The following PXDN variants were observed in gnomAD, a reference collection of about 807,000 sequenced individuals.
PXDN encodes peroxidasin, also known as peroxidasin homolog.
PXDN carries 77 observed loss-of-function variants against 140.3 expected under a neutral mutation model. That is an observed-to-expected ratio of 0.55 (90% CI 0.46 to 0.66). The LOEUF (loss-of-function observed/expected upper bound fraction) is 0.66. Among genes scored for constraint, PXDN ranks in the 30% least tolerant of loss-of-function variants. The probability of loss-of-function intolerance (pLI) is 0.00; values close to 1 mark genes in which losing one functional copy is unlikely to be tolerated. For synonymous variants in PXDN, 911 were observed against 857.4 expected (o/e 1.06, Z -1.09); for missense variants, 1,838 against 2,039.5 (o/e 0.90, Z 1.90).
At chr2:1,698,605 C>A (rs988239158) in intron 1 of PXDN, among the ~76,000 whole-genome samples, 1 of 150,514 alleles carries the variant, frequency 6.6e-6, no homozygotes, top group Non-Finnish European at 1.5e-5. Flanking sequence ...CTGTAAGTGG[C>A]AGAACTAGAA....
At chr2:1,637,428 T>C (rs557101535) in intron 21 of PXDN, among the ~76,000 whole-genome samples, 28 of 151,298 alleles carry the variant, frequency 1.9e-4, no homozygotes, top group African/African-American at 6.3e-4. Flanking sequence ...CCAGGCGATG[T>C]ACACCTAGTC....
chr2:1,727,460 A>G (rs1685212843), intron 1 of PXDN, among the ~76,000 whole-genome samples: 1 of 152,224 alleles, frequency 6.6e-6, no homozygotes, highest in Non-Finnish European at 1.5e-5. Context: ...CAGGACCCCT[A>G]CAGATGGGGA....
chr2:1,673,927 G>T, intron 8 of PXDN, 115 bp from the exon 9 acceptor site: 4 of 1,143,290 alleles, frequency 3.5e-6, no homozygotes, highest in Non-Finnish European at 3.8e-6. Context: ...GCGAGGAACA[G>T]CTCACCTTCC....
intron 1 of PXDN, among the ~76,000 whole-genome samples, chr2:1,700,206 C>T (rs1053244178): frequency 2.0e-5 from 3 of 152,076 alleles, no homozygotes; most frequent in African/African-American, 4.8e-5. Flanking sequence ...GGATTACAGG[C>T]GCATGCCACT....
At position 1,660,910 on chromosome 2, in the gene PXDN, G is replaced by T. The variant is rs770603634; in HGVS notation, c.1808C>A (p.Ala603Asp). The T allele has an allele frequency of 5.6e-6, 9 of 1,613,498 alleles. No individual in the cohort carries two copies. The highest frequency in any genetic ancestry group is 7.6e-6 in the Non-Finnish European group (9 of 1,179,730). Residue 603 changes from alanine (A) to aspartate (D), a missense_variant, in exon 14 of 23, where the codon GCC becomes GAC. Physicochemically the swap from Ala to Asp is moderately radical, Grantham distance 126 (BLOSUM62 -2). Around this residue, in one of 5 missense-constraint regions of PXDN, gnomAD observed 537 missense variants for 583.9 expected, o/e 0.92. Transcript: ENST00000252804. This position sits in a 1 kb window ranked among gnomAD's most constrained non-coding sequence, Gnocchi z 4.6. ...CACACTGAGCACCATGCTCACCGAG[G>T]CCGACCCAATGGTGTTCCGGGCCAC... Reference protein sequence around the residue: ...ECVARNTIGSASVSMVLSVNV... With the variant: ...ECVARNTIGSDSVSMVLSVNV...
At chr2:1,706,227 G>T (rs906401663) in intron 1 of PXDN, among the ~76,000 whole-genome samples, 3 of 152,226 alleles carry the variant, frequency 2.0e-5, no homozygotes, top group Non-Finnish European at 2.9e-5. Context: ...AGCACCTAAA[G>T]ATCTATCTGG....
chr2:1,704,931 CAT>C (rs753603058), intron 1 of PXDN, among the ~76,000 whole-genome samples: 2 of 152,064 alleles, frequency 1.3e-5, no homozygotes, highest in African/African-American at 2.4e-5. Context: ...ACCATTATCA[CAT>C]GACATTAATA....
At chr2:1,641,402 G>A (rs559049423) in intron 19 of PXDN, among the ~76,000 whole-genome samples, 2 of 152,192 alleles carry the variant, frequency 1.3e-5, no homozygotes, top group South Asian at 2.1e-4. Context: ...CACCTGCCTC[G>A]GCCTCCCAAA....
chr2:1,662,036 C>T (rs1485215758), intron 13 of PXDN, 36 bp downstream of exon 13: 16 of 1,533,518 alleles, frequency 1.0e-5, no homozygotes, highest in Non-Finnish European at 1.2e-5. Context: ...TACCTTGTAT[C>T]TGGGTGGTGG....
chr2:1,711,488 CTCCACCAGCACCCA>C (rs1684778479), intron 1 of PXDN, among the ~76,000 whole-genome samples: 1 of 137,978 alleles, frequency 7.2e-6, no homozygotes, highest in Non-Finnish European at 1.6e-5. Flanking sequence ...CCAGCACCCG[CTCCACCAGCACCCA>C]CTCTCCACCA....
At position 1,649,749 on chromosome 2, in the gene PXDN, C is replaced by G; in HGVS notation, c.2105-74G>C. 6.6e-7 allele frequency: 1 copy of G among 1,524,948 alleles called. No individual in the cohort carries two copies. Among genetic ancestry groups the G allele is most frequent in the Non-Finnish European group, 9.1e-7 (1 of 1,104,962 alleles). 94.5% of individuals were successfully genotyped at this position (1,524,948 alleles called of 1,614,324 possible). A position where few individuals can be genotyped will look rare whatever the true frequency, so the allele number is the denominator to read the frequency against. ...GTGAGGGCCCGGTACCCCTTGGCAC[C>G]TCTGCCGCTGACATGGGGCTATCTA... On this transcript the variant is annotated intron_variant, in intron 16 of 22. Coordinates refer to ENST00000252804, the MANE Select transcript of PXDN (RefSeq NM_012293.3). The surrounding 1 kb of genome is among the most constrained non-coding windows in gnomAD (Gnocchi z 7.1).
intron 1 of PXDN, among the ~76,000 whole-genome samples, chr2:1,718,896 T>C (rs73910868): frequency 0.066 from 10,116 of 152,288 alleles, 871 homozygotes; most frequent in East Asian, 0.3. Flanking sequence ...CACCAGCAAC[T>C]TGCCACAACT....
Position 1,680,238 on chromosome 2 carries a change from G to A in PXDN, c.685C>T (p.Gln229Ter). The A allele has an allele frequency of 6.2e-7, 1 of 1,608,998 alleles. No individual in the cohort carries two copies. Among genetic ancestry groups the A allele is most frequent in the Non-Finnish European group, 8.5e-7 (1 of 1,177,772 alleles). ...GTGATGGTTGCCACTGAGCGTCCCTGGATGCGTCTGGGATATTCACAGATG... is the reference window on the plus strand; with the variant it reads ...GTGATGGTTGCCACTGAGCGTCCCTAGATGCGTCTGGGATATTCACAGATG... ...AAICEYPRRI[Q>*]GRSVATITPE... The change falls in exon 7 of 23, where the codon CAG (glutamine) becomes TAG (stop). Residue 229 changes from glutamine to a stop codon, truncating the protein, a stop_gained. Coordinates refer to ENST00000252804, the MANE Select transcript of PXDN (RefSeq NM_012293.3). LOFTEE classifies it high-confidence loss of function.
At chr2:1,692,214 C>T (rs1684197952) in intron 2 of PXDN, among the ~76,000 whole-genome samples, 1 of 152,238 alleles carries the variant, frequency 6.6e-6, no homozygotes, top group African/African-American at 2.4e-5. Context: ...GTGTCCGTAC[C>T]ACTCCACAGT....
intron 1 of PXDN, among the ~76,000 whole-genome samples, chr2:1,732,423 C>T (rs78037121): frequency 0.037 from 5,587 of 150,102 alleles, 313 homozygotes; most frequent in African/African-American, 0.13. Context: ...CACACACACA[C>T]GGGGCCAGAA....
At chr2:1,736,497 C>G (rs1034521902) in intron 1 of PXDN, among the ~76,000 whole-genome samples, 1 of 151,948 alleles carries the variant, frequency 6.6e-6, no homozygotes, top group Non-Finnish European at 1.5e-5. Context: ...TTATAATACC[C>G]CAAAACAATT....
At chr2:1,732,915 C>G (rs1005059565) in intron 1 of PXDN, among the ~76,000 whole-genome samples, 3 of 152,118 alleles carry the variant, frequency 2.0e-5, no homozygotes, top group African/African-American at 7.2e-5. Flanking sequence ...TTTTTAATAC[C>G]CGCATTTTCT....
chr2:1,642,115 G>A lies in PXDN; in HGVS notation c.3952+1253C>T, dbSNP rs572948219. 1.2e-3 allele frequency among the ~76,000 whole-genome samples: 178 copies of A among 152,204 alleles called. No individual in the cohort carries two copies. In the Middle Eastern group the frequency reaches 0.02, roughly 17 times the overall value. ...TAGCAAGCATAATTTTATTTTTTATGTGAATTCTCCTATCATATATACTTC... is the reference window on the plus strand; with the variant it reads ...TAGCAAGCATAATTTTATTTTTTATATGAATTCTCCTATCATATATACTTC... On this transcript the variant is annotated intron_variant, in intron 19 of 22. Coordinates refer to ENST00000252804, the MANE Select transcript of PXDN (RefSeq NM_012293.3).
intron 4 of PXDN, among the ~76,000 whole-genome samples, chr2:1,686,692 A>G (rs755477938): frequency 5.3e-5 from 8 of 151,932 alleles, no homozygotes; most frequent in Non-Finnish European, 1.2e-4. Flanking sequence ...AAATCTACCC[A>G]CGCCCTGTCC....
Sources: gnomAD v4.1 joint callset for allele counts (sites outside exome capture counted in the v4.1 genomes callset) on GRCh38, gnomAD v4.1.1 for gene constraint, gnomAD v4.1.1 regional missense constraint, Gnocchi (gnomAD v3.1) non-coding constraint, MANE v1.5 for transcripts, NCBI Gene and HGNC (gene_info 2026-07-23, HGNC 2026-07-21) for gene names.